NKAIN2: variants seen among roughly 807,000 people sequenced by gnomAD.
NKAIN2 encodes the protein sodium/potassium-transporting ATPase subunit beta-1-interacting protein 2.
NKAIN2 carries 14 observed loss-of-function variants against 32.6 expected under a neutral mutation model. The observed-to-expected ratio is 0.43, with a 90% confidence interval of 0.28 to 0.67. The LOEUF is 0.67. NKAIN2 is among the 30% of genes least tolerant of loss of function. NKAIN2 has a pLI of 0.17. For missense variants in NKAIN2, 198 were observed against 258.3 expected (o/e 0.77, Z 1.60); for synonymous variants, 80 against 87.2 (o/e 0.92, Z 0.46).
intron 4 of NKAIN2, among the ~76,000 whole-genome samples, chr6:124,660,728 C>T (rs1188171211): frequency 2.0e-5 from 3 of 152,214 alleles, no homozygotes; most frequent in Non-Finnish European, 4.4e-5. Context: ...AGCAATGGCA[C>T]AGCCACGGCA....
At chr6:124,475,136 G>A (rs1172872134) in intron 3 of NKAIN2, among the ~76,000 whole-genome samples, 1 of 151,836 alleles carries the variant, frequency 6.6e-6, no homozygotes, top group Non-Finnish European at 1.5e-5. Flanking sequence ...AGCCATAAGA[G>A]GGCAACTGAT....
intron 1 of NKAIN2, among the ~76,000 whole-genome samples, chr6:124,228,768 G>A (rs1057020529): frequency 1.3e-5 from 2 of 152,078 alleles, no homozygotes; most frequent in Admixed American, 6.6e-5. Flanking sequence ...CTGTTTCAAT[G>A]AAGTCAATTT....
chr6:124,802,695 G>C (rs1780315483), intron 5 of NKAIN2, among the ~76,000 whole-genome samples: 2 of 152,220 alleles, frequency 1.3e-5, no homozygotes, highest in East Asian at 1.9e-4. Flanking sequence ...GTGGAAAGAG[G>C]CTTCTCTAAG....
rs117542899 is a variant in NKAIN2, at chr6:124,188,001, G to A, written c.55-95004G>A. Among the ~76,000 whole-genome samples, 269 of 152,280 alleles carry A rather than the reference G, an allele frequency of 1.8e-3. 1 individual carries two copies. Among genetic ancestry groups the A allele is most frequent in the Non-Finnish European group, 3.2e-3 (217 of 68,014 alleles). On this transcript the variant is annotated intron_variant, in intron 1 of 6. Coordinates refer to ENST00000368417, the MANE Select transcript of NKAIN2 (RefSeq NM_001040214.3). ...TGTCCATTGTGTCATGGAAGCAATA[G>A]ATGGTCATTGCTTTCCTTATCTTTC...
chr6:124,684,250 G>T (rs1438648303), intron 4 of NKAIN2, among the ~76,000 whole-genome samples: 1 of 152,072 alleles, frequency 6.6e-6, no homozygotes, highest in Non-Finnish European at 1.5e-5. Context: ...TTTTTTAAAA[G>T]ACATAACAGC....
intron 1 of NKAIN2, among the ~76,000 whole-genome samples, chr6:124,261,005 A>G (rs1444843408): frequency 6.6e-6 from 1 of 152,184 alleles, no homozygotes; most frequent in Non-Finnish European, 1.5e-5. Context: ...TGAACTAGAG[A>G]GGACTGCCCG....
intron 1 of NKAIN2, among the ~76,000 whole-genome samples, chr6:124,109,686 G>A (rs1173073851): frequency 6.6e-6 from 1 of 151,980 alleles, no homozygotes; most frequent in Non-Finnish European, 1.5e-5. Context: ...CCTCATTCCT[G>A]ATTGTAGAGA....
intron 3 of NKAIN2, among the ~76,000 whole-genome samples, chr6:124,506,048 G>T (rs1458401837): frequency 6.6e-6 from 1 of 152,092 alleles, no homozygotes; most frequent in African/African-American, 2.4e-5. Flanking sequence ...GGGCATGGTG[G>T]CAGGCGCCTG....
chr6:124,454,955 A>C (rs1776262019), intron 3 of NKAIN2, among the ~76,000 whole-genome samples: 1 of 152,036 alleles, frequency 6.6e-6, no homozygotes, highest in Non-Finnish European at 1.5e-5. Context: ...GGAGCAACTC[A>C]CAAGCTATCA....
chr6:124,311,028 C>T (rs554985128), intron 2 of NKAIN2, among the ~76,000 whole-genome samples: 18 of 152,192 alleles, frequency 1.2e-4, no homozygotes, highest in African/African-American at 3.4e-4. Flanking sequence ...AATTTCCTTC[C>T]GTAAGTAAAA....
At chr6:124,612,968 C>T (rs943981487) in intron 3 of NKAIN2, among the ~76,000 whole-genome samples, 1 of 152,130 alleles carries the variant, frequency 6.6e-6, no homozygotes, top group African/African-American at 2.4e-5. Context: ...GTTAAACTGA[C>T]ATGCTCAAGA....
At chr6:124,490,412 G>GTTTTTTTTT in intron 3 of NKAIN2, 1 of 312,166 alleles carries the variant, frequency 3.2e-6, no homozygotes, top group Non-Finnish European at 6.1e-6. Context: ...AATCATAGAG[G>GTTTTTTTTT]TTTTTTTTTT....
At chr6:124,704,645 G>C (rs552196608) in intron 4 of NKAIN2, among the ~76,000 whole-genome samples, 1 of 102,250 alleles carries the variant, frequency 9.8e-6, no homozygotes, top group African/African-American at 3.4e-5. Flanking sequence ...GAAAGAGACA[G>C]AGAGAGAGAG....
chr6:124,209,332 T>C (rs147406923), intron 1 of NKAIN2, among the ~76,000 whole-genome samples: 6 of 151,968 alleles, frequency 3.9e-5, no homozygotes, highest in African/African-American at 9.6e-5. Context: ...TAATATTTCA[T>C]TGTATATACT....
intron 4 of NKAIN2, among the ~76,000 whole-genome samples, chr6:124,721,335 C>T (rs1776009027): frequency 6.8e-6 from 1 of 147,494 alleles, no homozygotes. Context: ...ACCCGGAAGG[C>T]GGAGCTTGCA....
At chr6:124,768,880 T>C (rs2114754076) in intron 4 of NKAIN2, among the ~76,000 whole-genome samples, 1 of 152,296 alleles carries the variant, frequency 6.6e-6, no homozygotes, top group East Asian at 1.9e-4. Flanking sequence ...CAAACACCAT[T>C]TAAAAACCCA....
At chr6:124,688,569 A>G (rs569344737) in intron 4 of NKAIN2, among the ~76,000 whole-genome samples, 1 of 152,208 alleles carries the variant, frequency 6.6e-6, no homozygotes, top group East Asian at 1.9e-4. Flanking sequence ...TGTATCTACC[A>G]TTGTAGCATC....
chr6:124,520,447 G>A (rs1214123132), intron 3 of NKAIN2, among the ~76,000 whole-genome samples: 1 of 151,998 alleles, frequency 6.6e-6, no homozygotes, highest in Non-Finnish European at 1.5e-5. Flanking sequence ...ATAATTTCTA[G>A]TAATTATAAA....
intron 3 of NKAIN2, among the ~76,000 whole-genome samples, chr6:124,573,647 G>A (rs1395966020): frequency 1.3e-5 from 2 of 151,944 alleles, no homozygotes; most frequent in East Asian, 1.9e-4. Context: ...GCAATTTAAG[G>A]CAGAATAATG....
Sources: gnomAD v4.1 joint callset for allele counts (sites outside exome capture counted in the v4.1 genomes callset) on GRCh38, gnomAD v4.1.1 for gene constraint, MANE v1.5 for transcripts, NCBI Gene and HGNC (gene_info 2026-07-23, HGNC 2026-07-21) for gene names.